The following PXDNL variants were observed in gnomAD, a reference collection of about 807,000 sequenced individuals.
The protein encoded by PXDNL is peroxidasin like, also known as probable oxidoreductase PXDNL.
PXDNL carries 145 observed loss-of-function variants against 150.8 expected under a neutral mutation model. The observed-to-expected ratio is 0.96, with a 90% confidence interval of 0.84 to 1.10. PXDNL has a LOEUF of 1.10. Ranked by LOEUF, PXDNL falls within the 50% of genes least tolerant of loss-of-function variation. PXDNL has a pLI of 0.00. For missense variants in PXDNL, 2,087 were observed against 1,873.9 expected (o/e 1.11, Z -2.10); for synonymous variants, 757 against 725.7 (o/e 1.04, Z -0.69).
Position 51,374,704 on chromosome 8 carries a change from G to T in PXDNL, c.3585C>A (p.Asp1195Glu), listed in dbSNP as rs1161042070. The stretch of plus-strand genomic sequence containing the variant: ...CTTCAACCATAAGGGCGGGCCAGAG[G>T]TCAATGTCACCTGGAGAGCCGTACA... ...RKLYGSPGDI[D>E]LWPALMVEDL... The change falls in exon 18 of 23, where the codon GAC becomes GAA. Residue 1195 changes from aspartate to glutamate, a missense_variant. By Grantham distance (45) the Asp-to-Glu change is conservative. Coordinates refer to ENST00000356297, the MANE Select transcript of PXDNL (RefSeq NM_144651.5). 1 of 1,613,914 alleles carries T rather than the reference G, an allele frequency of 6.2e-7. No homozygotes were observed. Among genetic ancestry groups the T allele is most frequent in the Non-Finnish European group, 8.5e-7 (1 of 1,179,858 alleles).
Position 51,409,309 on chromosome 8 carries a change from C to A in PXDNL, c.2315G>T (p.Gly772Val). The change falls in exon 17 of 23, where the codon GGC (glycine) becomes GTC (valine). Residue 772 changes from glycine to valine, a missense_variant. Coordinates refer to ENST00000356297, the MANE Select transcript of PXDNL (RefSeq NM_144651.5). ...RAPRGLGLPV[G>V]SRQPLPPPRL... ...GGGCGGCGGGAGGGGCTGGCGGGAG[C>A]CCACAGGAAGGCCGAGCCCGCGGGG... is the stretch of plus-strand genomic sequence containing the variant. The A allele has an allele frequency of 7.0e-7, 1 of 1,421,560 alleles. No individual in the cohort carries two copies. The highest frequency in any genetic ancestry group is 3.3e-5 in the Admixed American group (1 of 29,892). The allele number at this position is 1,421,560 out of a possible 1,614,324, so 88.1% of individuals were successfully genotyped here. A position where few individuals can be genotyped will look rare whatever the true frequency, so the allele number is the denominator to read the frequency against.
chr8:51,558,520 T>C (rs1812643226), intron 3 of PXDNL, among the ~76,000 whole-genome samples: 1 of 152,102 alleles, frequency 6.6e-6, no homozygotes, highest in Non-Finnish European at 1.5e-5. Flanking sequence ...AACACTATAC[T>C]TGGTTTTTAT....
intron 1 of PXDNL, among the ~76,000 whole-genome samples, chr8:51,686,449 C>T (rs1815875229): frequency 1.3e-5 from 2 of 152,190 alleles, no homozygotes; most frequent in South Asian, 4.1e-4. Context: ...GCAGTAATTG[C>T]TAGTGGTTCT....
chr8:51,805,134 T>G (rs945289061), intron 1 of PXDNL, among the ~76,000 whole-genome samples: 1 of 151,916 alleles, frequency 6.6e-6, no homozygotes, highest in Non-Finnish European at 1.5e-5. Flanking sequence ...ACACTTCATC[T>G]GGGTCCCACT....
At chr8:51,462,890 G>C (rs1810115295) in intron 8 of PXDNL, among the ~76,000 whole-genome samples, 1 of 152,110 alleles carries the variant, frequency 6.6e-6, no homozygotes, top group South Asian at 2.1e-4. Context: ...AAAAGGGTTA[G>C]ATTTCTTACA....
At chr8:51,553,875 A>G (rs192875455) in intron 4 of PXDNL, among the ~76,000 whole-genome samples, 2 of 151,922 alleles carry the variant, frequency 1.3e-5, no homozygotes, top group Admixed American at 6.5e-5. Flanking sequence ...CTTTTTAACC[A>G]CATGTTTAAG....
intron 11 of PXDNL, 127 bp downstream of exon 11, chr8:51,448,874 AT>A: frequency 1.4e-6 from 1 of 700,056 alleles, no homozygotes. Context: ...TAGATCAAAG[AT>A]TATTTTCTGT....
At chr8:51,725,626 T>G (rs1349858708) in intron 1 of PXDNL, among the ~76,000 whole-genome samples, 4 of 152,182 alleles carry the variant, frequency 2.6e-5, no homozygotes, top group Admixed American at 6.5e-5. Context: ...CCCTTGAAGC[T>G]CCTCGTTGCA....
chr8:51,742,200 G>A (rs2036914315), intron 1 of PXDNL, among the ~76,000 whole-genome samples: 1 of 152,168 alleles, frequency 6.6e-6, no homozygotes, highest in Admixed American at 6.5e-5. Flanking sequence ...CATTATTAAA[G>A]AGACAAGAAG....
chr8:51,796,704 C>G (rs1371782696), intron 1 of PXDNL, among the ~76,000 whole-genome samples: 1 of 152,060 alleles, frequency 6.6e-6, no homozygotes, highest in Non-Finnish European at 1.5e-5. Context: ...CAAAAAAAAG[C>G]CCAGGACCAG....
At chr8:51,541,807 G>A (rs572981929) in intron 4 of PXDNL, among the ~76,000 whole-genome samples, 3 of 152,056 alleles carry the variant, frequency 2.0e-5, no homozygotes, top group East Asian at 1.9e-4. Context: ...AGATCACCCC[G>A]TGTGTCCCTT....
chr8:51,543,467 T>TA (rs1376152442), intron 4 of PXDNL, among the ~76,000 whole-genome samples: 1 of 151,632 alleles, frequency 6.6e-6, no homozygotes, highest in African/African-American at 2.4e-5. Flanking sequence ...AAATGTAAGT[T>TA]AAAAAACAAT....
At chr8:51,652,628 T>C (rs750292721) in intron 2 of PXDNL, among the ~76,000 whole-genome samples, 1 of 152,218 alleles carries the variant, frequency 6.6e-6, no homozygotes, top group African/African-American at 2.4e-5. Flanking sequence ...TGCTCTTTTC[T>C]ATCTGCCTCA....
chr8:51,390,106 A>G (rs1378450820), intron 17 of PXDNL, among the ~76,000 whole-genome samples: 1 of 152,210 alleles, frequency 6.6e-6, no homozygotes, highest in African/African-American at 2.4e-5. Flanking sequence ...GTTATGAAGT[A>G]CCAATCATTG....
intron 2 of PXDNL, among the ~76,000 whole-genome samples, chr8:51,611,179 T>A (rs147219842): frequency 2.9e-4 from 44 of 152,328 alleles, no homozygotes; most frequent in African/African-American, 9.6e-4. Flanking sequence ...ATATTATTAT[T>A]ATTTTAATTA....
chr8:51,678,919 A>G (rs1815686878), intron 1 of PXDNL, among the ~76,000 whole-genome samples: 1 of 152,244 alleles, frequency 6.6e-6, no homozygotes, highest in Non-Finnish European at 1.5e-5. Context: ...ACATAAAACC[A>G]AACTCAATCT....
chr8:51,436,276 G>C (rs1208653066), intron 12 of PXDNL: 2 of 498,410 alleles, frequency 4.0e-6, no homozygotes, highest in South Asian at 1.5e-5. Flanking sequence ...TATCATAGAA[G>C]AAGGTGTTGC....
At chr8:51,733,864 G>T (rs1477040841) in intron 1 of PXDNL, among the ~76,000 whole-genome samples, 1 of 145,666 alleles carries the variant, frequency 6.9e-6, no homozygotes. Flanking sequence ...TATGATATAT[G>T]ATATATTTTA....
Position 51,637,318 on chromosome 8 carries a change from C to T in PXDNL, c.236+17371G>A, listed in dbSNP as rs540998996. Among the ~76,000 whole-genome samples, 22 of 152,274 alleles carry T rather than the reference C, an allele frequency of 1.4e-4. No homozygotes were observed. The South Asian group carries it at 3.9e-3, about 27-fold the overall frequency. On this transcript the variant is annotated intron_variant, in intron 2 of 22. Coordinates refer to ENST00000356297, the MANE Select transcript of PXDNL (RefSeq NM_144651.5). Reference sequence around the variant, plus strand: ...CCTCTCCCCCTACAAATGAACGCAGCTCCTCACCAGCAATGGAACAAAGCA... The same window carrying T: ...CCTCTCCCCCTACAAATGAACGCAGTTCCTCACCAGCAATGGAACAAAGCA...
Sources: allele counts gnomAD v4.1 joint callset (sites outside exome capture counted in the v4.1 genomes callset), GRCh38; gene constraint gnomAD v4.1.1; transcripts MANE v1.5; gene names NCBI Gene and HGNC (gene_info 2026-07-23, HGNC 2026-07-21).